The following HYKK variants were observed in gnomAD, a reference collection of about 807,000 sequenced individuals.
The protein encoded by HYKK is hydroxylysine kinase.
HYKK carries 19 observed loss-of-function variants against 29.7 expected under a neutral mutation model. That is an observed-to-expected ratio of 0.64 (90% CI 0.45 to 0.94). The LOEUF is 0.94. HYKK is among the 40% of genes least tolerant of loss of function. The probability of loss-of-function intolerance (pLI) is 0.00; values close to 1 mark genes in which losing one functional copy is unlikely to be tolerated. For synonymous variants in HYKK, 152 were observed against 158.1 expected, an observed-to-expected ratio of 0.96 and a Z score of 0.29; for missense variants, 390 against 443.4, an observed-to-expected ratio of 0.88 and a Z score of 1.08.
chr15:78,524,144 G>T (rs769195050), intron 3 of HYKK, among the ~76,000 whole-genome samples: 25 of 152,252 alleles, frequency 1.6e-4, no homozygotes, highest in Non-Finnish European at 2.9e-4. Context: ...CACTGCCCTA[G>T]TAGAGTTTCT....
intron 1 of HYKK, among the ~76,000 whole-genome samples, chr15:78,509,031 G>A (rs2052045450): frequency 1.3e-5 from 2 of 151,874 alleles, no homozygotes; most frequent in South Asian, 4.2e-4. Flanking sequence ...CTGGGTGACA[G>A]AGACCTTGTC....
intron 3 of HYKK, among the ~76,000 whole-genome samples, chr15:78,526,429 C>G (rs1424744700): frequency 6.6e-6 from 1 of 152,160 alleles, no homozygotes; most frequent in East Asian, 1.9e-4. Context: ...GGTTGAAATT[C>G]TAGATGGAGT....
chr15:78,528,621 G>A, intron 4 of HYKK: 1 of 558,610 alleles, frequency 1.8e-6, no homozygotes, highest in Non-Finnish European at 2.3e-6. Context: ...TGGCCAACGT[G>A]GTGAAACCCT....
chr15:78,527,343 C>G (rs2052265257), intron 3 of HYKK, 37 bp from the exon 4 acceptor site: 2 of 1,572,472 alleles, frequency 1.3e-6, no homozygotes, highest in Non-Finnish European at 1.7e-6. Context: ...AGTGGTTGCT[C>G]TGTCAAGAGA....
chr15:78,528,487 T>G, intron 4 of HYKK: 2 of 985,410 alleles, frequency 2.0e-6, no homozygotes, highest in Non-Finnish European at 2.4e-6. Flanking sequence ...AGCCTTTTCA[T>G]CCAGCATTAA....
intron 4 of HYKK, 45 bp from the exon 5 acceptor site, chr15:78,533,165 T>G: frequency 8.3e-7 from 1 of 1,205,868 alleles, no homozygotes; most frequent in Non-Finnish European, 1.2e-6. Flanking sequence ...GGGGAATGAA[T>G]TGGGATATTC....
chr15:78,510,222 G>A (rs560234417), intron 1 of HYKK, among the ~76,000 whole-genome samples: 46 of 145,250 alleles, frequency 3.2e-4, no homozygotes, highest in South Asian at 6.6e-4. Flanking sequence ...TTGGTCTTTC[G>A]CCCAGGTTGG....
At chr15:78,533,181 C>T in intron 4 of HYKK, 29 bp from the exon 5 acceptor site, 1 of 1,367,408 alleles carries the variant, frequency 7.3e-7, no homozygotes, top group South Asian at 1.3e-5. Context: ...TATTCAATAA[C>T]TGTTTTTACA....
Position 78,533,500 on chromosome 15 carries a change from G to C in HYKK, c.952G>C (p.Val318Leu), listed in dbSNP as rs773349389. ...ATGCAGTCGTTTTTGTCAGTCACTT[G>C]TCATGGCTGCATACTCTTGCCAGCT... The part of the protein sequence containing the change: ...LVCSRFCQSL[V>L]MAAYSCQLYP... The change falls in exon 5 of 5, where the codon GTC becomes CTC. Residue 318 changes from valine to leucine, a missense_variant. Transcript: ENST00000388988. 1.3e-6 allele frequency: 2 copies of C among 1,597,192 alleles called. No homozygotes were observed. The highest frequency in any genetic ancestry group is 1.7e-6 in the Non-Finnish European group (2 of 1,168,380).
chr15:78,512,400 C>CTTTTTTTTTTTTT (rs902963099), intron 1 of HYKK, among the ~76,000 whole-genome samples: 9 of 125,666 alleles, frequency 7.2e-5, no homozygotes, highest in East Asian at 2.2e-4. Flanking sequence ...TTTTCTTTTT[C>CTTTTTTTTTTTTT]TTTTTTTTTT....
At position 78,533,415 on chromosome 15, in the gene HYKK, A is replaced by G. The variant is rs1383759066; in HGVS notation, c.867A>G (p.Ala289=). 1.9e-6 allele frequency: 3 copies of G among 1,614,176 alleles called. No homozygotes were observed. In the East Asian group the frequency reaches 6.7e-5, roughly 36 times the overall value. ...TACAAGTAGGAGGCCATGTCCTTGC[A>G]GGGTTTGAAAGCATCACCCCACTGA... ...SPIQVGGHVL[A]GFESITPLTA... Residue 289 remains alanine (A), a synonymous_variant, in exon 5 of 5, where the codon GCA becomes GCG. Coordinates refer to ENST00000388988, the MANE Select transcript of HYKK (RefSeq NM_001013619.4).
At position 78,528,935 on chromosome 15, in the gene HYKK, C is replaced by A. The variant is rs970345170; in HGVS notation, c.661+1372C>A. Reference sequence around the variant, plus strand: ...AGCGTAAAAACAGAGTTGATTTTTTCCCTTCAAACCTGTTTTTCCCCCAGT... The same window carrying A: ...AGCGTAAAAACAGAGTTGATTTTTTACCTTCAAACCTGTTTTTCCCCCAGT... On this transcript the variant is annotated intron_variant, in intron 4 of 4. Transcript: ENST00000388988. 194 of 755,292 alleles carry A rather than the reference C, an allele frequency of 2.6e-4. No homozygotes were observed. The African/African-American group carries it at 3.4e-3, about 13-fold the overall frequency. 46.8% of individuals were successfully genotyped at this position (755,292 alleles called of 1,614,324 possible). A position where few individuals can be genotyped will look rare whatever the true frequency, so the allele number is the denominator to read the frequency against.
At chr15:78,513,561 A>G (rs548327224) in intron 2 of HYKK, 136 bp downstream of exon 2, 2 of 657,698 alleles carry the variant, frequency 3.0e-6, no homozygotes, top group Non-Finnish European at 5.2e-6. Flanking sequence ...GCACCTCAAT[A>G]GTACACCCTT....
intron 1 of HYKK, among the ~76,000 whole-genome samples, 192 bp from the exon 2 acceptor site, chr15:78,512,892 C>A (rs2052088654): frequency 6.6e-6 from 1 of 152,184 alleles, no homozygotes; most frequent in South Asian, 2.1e-4. Context: ...AATTTGTATG[C>A]AGTTGTCAAA....
intron 1 of HYKK, among the ~76,000 whole-genome samples, chr15:78,510,703 G>A (rs1405541714): frequency 1.3e-5 from 2 of 152,128 alleles, no homozygotes; most frequent in Non-Finnish European, 2.9e-5. Flanking sequence ...AAAGTCCTAA[G>A]ATCCACCTCC....
Position 78,533,274 on chromosome 15 carries a change from A to C in HYKK, c.726A>C (p.Gly242=). Residue 242 remains glycine (G), a synonymous_variant, in exon 5 of 5, where the codon GGA becomes GGC. Coordinates refer to ENST00000388988, the MANE Select transcript of HYKK (RefSeq NM_001013619.4). ...TAGAGTCCAGCAAGTCAGCCTCTGG[A>C]AATGCTGAATATCAAGTGTCTGGGA... The part of the protein sequence containing the change: ...ILIESSKSAS[G]NAEYQVSGIL... 6.2e-7 allele frequency: 1 copy of C among 1,614,086 alleles called. No homozygotes were observed. Among genetic ancestry groups the C allele is most frequent in the South Asian group, 1.1e-5 (1 of 91,082 alleles).
At chr15:78,514,245 A>G (rs985098051) in intron 2 of HYKK, among the ~76,000 whole-genome samples, 1 of 152,104 alleles carries the variant, frequency 6.6e-6, no homozygotes, top group African/African-American at 2.4e-5. Flanking sequence ...TCATTACTGT[A>G]TATGTGACCT....
At chr15:78,514,836 T>C (rs1011786053) in intron 2 of HYKK, 132 bp from the exon 3 acceptor site, 6 of 346,916 alleles carry the variant, frequency 1.7e-5, no homozygotes, top group Non-Finnish European at 2.9e-5. Flanking sequence ...TTCTGTTCTT[T>C]TCAGTAATAC....
chr15:78,519,987 T>C (rs12441426), intron 3 of HYKK, among the ~76,000 whole-genome samples: 39,786 of 152,054 alleles, frequency 0.26, 5,894 homozygotes, highest in Admixed American at 0.46. Context: ...GAAAAAGCAA[T>C]ACAGTTTTAG....
Sources: gnomAD v4.1 joint callset for allele counts (sites outside exome capture counted in the v4.1 genomes callset) on GRCh38, gnomAD v4.1.1 for gene constraint, MANE v1.5 for transcripts, NCBI Gene and HGNC (gene_info 2026-07-23, HGNC 2026-07-21) for gene names.